Variants in ERVH48-1 observed in about 807,000 individuals in gnomAD.
ERVH48-1 encodes the protein suppressyn.
In ERVH48-1, 4 loss-of-function variants were observed where a neutral mutation model predicts 2.4. The ratio of observed to expected loss-of-function variants is 1.68; its 90% CI spans 0.83 to 3.84. The LOEUF is 3.84. ERVH48-1 is among the 30% of genes most tolerant of loss of function. The pLI is 0.01. For missense variants in ERVH48-1, 97 were observed against 43.4 expected, an observed-to-expected ratio of 2.23 and a Z score of -3.47; for synonymous variants, 32 against 15.5, an observed-to-expected ratio of 2.06 and a Z score of -2.49.
At position 42,923,350 on chromosome 21, in the gene ERVH48-1, T is replaced by C. The variant is rs904249759; in HGVS notation, c.-286+1996A>G. Among the ~76,000 whole-genome samples the C allele has an allele frequency of 3.3e-5, 5 of 152,176 alleles. 1 individual carries two copies. Among genetic ancestry groups the C allele is most frequent in the Admixed American group, 2.6e-4 (4 of 15,276 alleles). On this transcript the variant is annotated intron_variant, in intron 1 of 1. Coordinates refer to ENST00000447535, the MANE Select transcript of ERVH48-1 (RefSeq NM_001308491.2). Reference sequence around the variant, plus strand: ...CTTTCACTTTCTTCATCACAATTATTAAAGGCTTTGAGGGCTAAATTGAGA... The same window carrying C: ...CTTTCACTTTCTTCATCACAATTATCAAAGGCTTTGAGGGCTAAATTGAGA...
In ERVH48-1 at chr21:42,922,739, CAAAAAAAA is replaced by C. The variant is rs35066156; in HGVS notation, c.-286+2599_-286+2606del. Among the ~76,000 whole-genome samples, 242 of 48,208 alleles carry C rather than the reference CAAAAAAAA, an allele frequency of 5.0e-3. 4 individuals are homozygous for C. Among genetic ancestry groups the C allele is most frequent in the African/African-American group, 0.019 (206 of 10,662 alleles). The allele number at this position is 48,208 out of a possible 152,430, so 31.6% of individuals were successfully genotyped here. Reference sequence around the variant, plus strand: ...TGGGAGACAGAGCCAGACTCCGTCTCAAAAAAAAAAAAAAAAAAAAAAAAAAGTGAGTG... The same window carrying C: ...TGGGAGACAGAGCCAGACTCCGTCTCAAAAAAAAAAAAAAAAAAGTGAGTG... On this transcript the variant is annotated intron_variant, in intron 1 of 1. Coordinates refer to ENST00000447535, the MANE Select transcript of ERVH48-1 (RefSeq NM_001308491.2).
intron 1 of ERVH48-1, among the ~76,000 whole-genome samples, chr21:42,920,585 A>C (rs1287943912): frequency 6.6e-6 from 1 of 152,212 alleles, no homozygotes; most frequent in Non-Finnish European, 1.5e-5. Flanking sequence ...TGAGAGCTCA[A>C]GTGAGGACGA....
intron 1 of ERVH48-1, among the ~76,000 whole-genome samples, chr21:42,921,209 G>C (rs557068196): frequency 4.6e-5 from 7 of 152,234 alleles, no homozygotes; most frequent in Non-Finnish European, 1.0e-4. Flanking sequence ...GGTTTGGTGA[G>C]GTCTGGGAGG....
rs557053535 is a variant in ERVH48-1, at chr21:42,918,054, G to A, written c.*470C>T. 2 of 156,614 alleles carry A rather than the reference G, an allele frequency of 1.3e-5. No homozygotes were observed. The highest frequency in any genetic ancestry group is 2.0e-4 in the South Asian group (1 of 5,110). 9.7% of individuals were successfully genotyped at this position (156,614 alleles called of 1,614,324 possible). On this transcript the variant is annotated 3_prime_UTR_variant, in exon 2 of 2. Transcript: ENST00000447535. ...GTCAGCTGGTGTTCCTAGGATTGTC[G>A]CATAGTACACTTAGGCGGAGGTATG...
chr21:42,920,133 T>A, intron 1 of ERVH48-1, among the ~76,000 whole-genome samples: 1 of 150,998 alleles, frequency 6.6e-6, no homozygotes, highest in Non-Finnish European at 1.5e-5. Context: ...GTACCCGACA[T>A]GGAAAGAGTT....
intron 1 of ERVH48-1, among the ~76,000 whole-genome samples, chr21:42,923,002 C>T (rs969271236): frequency 2.6e-5 from 4 of 152,226 alleles, no homozygotes; most frequent in African/African-American, 9.6e-5. Flanking sequence ...GCCGGGGTGT[C>T]CGTTCCAGGG....
At chr21:42,924,183 G>A (rs2058814592) in intron 1 of ERVH48-1, among the ~76,000 whole-genome samples, 1 of 152,172 alleles carries the variant, frequency 6.6e-6, no homozygotes, top group Admixed American at 6.5e-5. Flanking sequence ...AGGTGGCGGG[G>A]TGGGTTTACA....
intron 1 of ERVH48-1, among the ~76,000 whole-genome samples, chr21:42,922,506 C>T (rs1041693753): frequency 3.4e-4 from 52 of 151,588 alleles, no homozygotes; most frequent in Admixed American, 4.6e-4. Context: ...TTTGGGAGGC[C>T]GAGGTGGGTG....
chr21:42,924,507 A>G (rs1192335372), intron 1 of ERVH48-1, among the ~76,000 whole-genome samples: 1 of 152,130 alleles, frequency 6.6e-6, no homozygotes, highest in African/African-American at 2.4e-5. Context: ...TTGTAATCTG[A>G]GTGTGAACAA....
At chr21:42,924,948 ATT>A (rs71332380) in intron 1 of ERVH48-1, among the ~76,000 whole-genome samples, 5 of 143,000 alleles carry the variant, frequency 3.5e-5, no homozygotes, top group Admixed American at 6.9e-5. Flanking sequence ...ACACCTTAGC[ATT>A]TTTTTTTTTT....
chr21:42,919,143 G>A lies in ERVH48-1; in HGVS notation c.-137C>T, dbSNP rs2058798042. On this transcript the variant is annotated 5_prime_UTR_variant, in exon 2 of 2. Transcript: ENST00000447535. ...TTTTGGAGGAAGAAGCTGCCTTGGG[G>A]GTGAGCTTGACCCTGGTGCGATGGA... 2 of 1,106,844 alleles carry A rather than the reference G, an allele frequency of 1.8e-6. No individual in the cohort carries two copies. Among genetic ancestry groups the A allele is most frequent in the African/African-American group, 1.6e-5 (1 of 60,890 alleles). 68.6% of individuals were successfully genotyped at this position (1,106,844 alleles called of 1,614,324 possible). A position where few individuals can be genotyped will look rare whatever the true frequency, so the allele number is the denominator to read the frequency against.
At position 42,919,010 on chromosome 21, in the gene ERVH48-1, T is replaced by C. The variant is rs1313389572; in HGVS notation, c.-4A>G. On this transcript the variant is annotated 5_prime_UTR_variant, in exon 2 of 2. Transcript: ENST00000447535. Reference sequence around the variant, plus strand: ...TGGTTGGGTAGATACAGGCCATTCCTGGAAGCACGTGGTTAGTCTTCCTTG... The same window carrying C: ...TGGTTGGGTAGATACAGGCCATTCCCGGAAGCACGTGGTTAGTCTTCCTTG... 1 of 1,225,266 alleles carries C rather than the reference T, an allele frequency of 8.2e-7. No homozygotes were observed. The allele number at this position is 1,225,266 out of a possible 1,614,324, so 75.9% of individuals were successfully genotyped here.
rs2058798756 is a variant in ERVH48-1 at position 42,919,309 on chromosome 21, T to C, written c.-285-18A>G. ...GTCTGTGCCTGCAAGACAGTTATGATGTTGAGAGGATAAGGAGGTGTCGGC... is the reference window on the plus strand; with the variant it reads ...GTCTGTGCCTGCAAGACAGTTATGACGTTGAGAGGATAAGGAGGTGTCGGC... On this transcript the variant is annotated intron_variant, in intron 1 of 1. Transcript: ENST00000447535. The C allele has an allele frequency of 4.3e-6, 1 of 230,494 alleles. No individual in the cohort carries two copies. The highest frequency in any genetic ancestry group is 6.3e-5 in the South Asian group (1 of 15,836). The allele number at this position is 230,494 out of a possible 1,614,324, so 14.3% of individuals were successfully genotyped here.
At position 42,918,268 on chromosome 21, in the gene ERVH48-1, C is replaced by G; in HGVS notation, c.*256G>C. On this transcript the variant is annotated 3_prime_UTR_variant, in exon 2 of 2. Transcript: ENST00000447535. ...CGGCGCGATGGGTTTTATCAGTCCA[C>G]TTGCGGGATATGCACACCGTCCCTC... is the stretch of plus-strand genomic sequence containing the variant. 3.1e-6 allele frequency: 1 copy of G among 326,756 alleles called. No individual in the cohort carries two copies. The allele number at this position is 326,756 out of a possible 1,614,324, so 20.2% of individuals were successfully genotyped here. A position where few individuals can be genotyped will look rare whatever the true frequency, so the allele number is the denominator to read the frequency against.
intron 1 of ERVH48-1, among the ~76,000 whole-genome samples, chr21:42,923,458 G>A (rs541711169): frequency 2.6e-5 from 4 of 152,182 alleles, no homozygotes; most frequent in African/African-American, 4.8e-5. Flanking sequence ...GAGATGAACC[G>A]AAGGCTTAAG....
chr21:42,922,556 C>T (rs537771046), intron 1 of ERVH48-1, among the ~76,000 whole-genome samples: 1 of 151,774 alleles, frequency 6.6e-6, no homozygotes, highest in Admixed American at 6.6e-5. Flanking sequence ...CTGGATAACA[C>T]GGTGAAACCC....
chr21:42,919,187 G>A lies in ERVH48-1; in HGVS notation c.-181C>T. On this transcript the variant is annotated 5_prime_UTR_variant, in exon 2 of 2. Transcript: ENST00000447535. ...CGATGGATCCAGTTGGGGAGTCCTC[G>A]GACTCTCACTGCAGTTGGTGTGCTG... 1.1e-5 allele frequency: 7 copies of A among 609,714 alleles called. No homozygotes were observed. Among genetic ancestry groups the A allele is most frequent in the Non-Finnish European group, 1.4e-5 (6 of 415,570 alleles). The allele number at this position is 609,714 out of a possible 1,614,324, so 37.8% of individuals were successfully genotyped here.
chr21:42,918,491 A>T lies in ERVH48-1; in HGVS notation c.*33T>A. On this transcript the variant is annotated 3_prime_UTR_variant, in exon 2 of 2. Transcript: ENST00000447535. ...ATGGTTCTCCTAGATCTACAAACAG[A>T]TTTTTTCCTGGCTTAGGAAGGGATG... 2.3e-6 allele frequency: 1 copy of T among 438,384 alleles called. No individual in the cohort carries two copies. The highest frequency in any genetic ancestry group is 4.6e-6 in the Non-Finnish European group (1 of 217,824). The allele number at this position is 438,384 out of a possible 1,614,324, so 27.2% of individuals were successfully genotyped here.
intron 1 of ERVH48-1, among the ~76,000 whole-genome samples, chr21:42,923,611 GCA>G (rs2146180338): frequency 6.6e-6 from 1 of 152,188 alleles, no homozygotes; most frequent in South Asian, 2.1e-4. Flanking sequence ...CGCTTTATGG[GCA>G]CACTTTTTGA....
Sources: gnomAD v4.1 joint callset for allele counts (sites outside exome capture counted in the v4.1 genomes callset) on GRCh38, gnomAD v4.1.1 for gene constraint, MANE v1.5 for transcripts, NCBI Gene and HGNC (gene_info 2026-07-23, HGNC 2026-07-21) for gene names.